Variants in SLC37A2 observed in about 807,000 individuals in gnomAD.
SLC37A2 encodes solute carrier family 37 member 2.
A neutral mutation model predicts 70.7 loss-of-function variants in SLC37A2; 59 were observed. The observed-to-expected ratio is 0.83, with a 90% confidence interval of 0.68 to 1.04. The LOEUF (loss-of-function observed/expected upper bound fraction) is 1.04. SLC37A2 is among the 50% of genes least tolerant of loss of function. SLC37A2 has a pLI of 0.00. For synonymous variants in SLC37A2, 257 were observed against 262.1 expected (o/e 0.98, Z 0.19); for missense variants, 580 against 658.1 (o/e 0.88, Z 1.30).
At chr11:125,076,588 C>T (rs1480772611) in intron 1 of SLC37A2, among the ~76,000 whole-genome samples, 169 bp from the exon 2 acceptor site, 1 of 152,176 alleles carries the variant, frequency 6.6e-6, no homozygotes, top group African/African-American at 2.4e-5. Context: ...AGCACCCTGG[C>T]CTCTGGGCAT....
chr11:125,067,618 C>T (rs1354156490), intron 1 of SLC37A2, among the ~76,000 whole-genome samples: 1 of 152,136 alleles, frequency 6.6e-6, no homozygotes, highest in Non-Finnish European at 1.5e-5. Flanking sequence ...AAGAACAAAT[C>T]TTTGTGGTTT....
intron 13 of SLC37A2, 67 bp downstream of exon 13, chr11:125,084,940 T>G: frequency 1.9e-6 from 3 of 1,601,142 alleles, no homozygotes; most frequent in Non-Finnish European, 2.6e-6. Flanking sequence ...CCCATGAGGC[T>G]GGCCCACGGG....
In SLC37A2 at chr11:125,063,522, C is replaced by T. The variant is rs1056276834; in HGVS notation, c.59+96C>T. 22 of 1,183,886 alleles carry T rather than the reference C, an allele frequency of 1.9e-5. No homozygotes were observed. Among genetic ancestry groups the T allele is most frequent in the Middle Eastern group, 2.7e-4 (1 of 3,738 alleles). The allele number at this position is 1,183,886 out of a possible 1,614,324, so 73.3% of individuals were successfully genotyped here. A position where few individuals can be genotyped will look rare whatever the true frequency, so the allele number is the denominator to read the frequency against. Reference sequence around the variant, plus strand: ...CTCGGAGATCACCCCAGATCGGCCCCGGCGTCGCCGCGTGGCCAGGGGTGC... The same window carrying T: ...CTCGGAGATCACCCCAGATCGGCCCTGGCGTCGCCGCGTGGCCAGGGGTGC... On this transcript the variant is annotated intron_variant, in intron 1 of 17. Coordinates refer to ENST00000403796, the MANE Select transcript of SLC37A2 (RefSeq NM_001145290.2). The surrounding 1 kb of genome is among the most constrained non-coding windows in gnomAD (Gnocchi z 5.4).
chr11:125,065,353 G>C (rs1439498327), intron 1 of SLC37A2, among the ~76,000 whole-genome samples: 1 of 152,148 alleles, frequency 6.6e-6, no homozygotes, highest in East Asian at 1.9e-4. Flanking sequence ...CCCTTGTTAA[G>C]TTAATAAACT....
chr11:125,063,335 C>T lies in SLC37A2; in HGVS notation c.-33C>T, dbSNP rs772038350. 3.4e-5 allele frequency: 55 copies of T among 1,595,322 alleles called. No individual in the cohort carries two copies. Among genetic ancestry groups the T allele is most frequent in the Non-Finnish European group, 4.5e-5 (52 of 1,167,574 alleles). ...ACGCGCCCAGCTCTGTAGCCTCCTC[C>T]GTCGACTCAGCCTTAGGTACCGGTC... On this transcript the variant is annotated 5_prime_UTR_variant, in exon 1 of 18. Coordinates refer to ENST00000403796, the MANE Select transcript of SLC37A2 (RefSeq NM_001145290.2). The surrounding 1 kb of genome is among the most constrained non-coding windows in gnomAD (Gnocchi z 5.4).
In SLC37A2 at chr11:125,080,811, G is replaced by A. The variant is rs758835646; in HGVS notation, c.694+31G>A. The A allele has an allele frequency of 1.3e-5, 18 of 1,364,024 alleles. No individual in the cohort carries two copies. In the South Asian group the frequency reaches 3.6e-4, roughly 28 times the overall value. 84.5% of individuals were successfully genotyped at this position (1,364,024 alleles called of 1,614,324 possible). On this transcript the variant is annotated intron_variant, in intron 7 of 17. Coordinates refer to ENST00000403796, the MANE Select transcript of SLC37A2 (RefSeq NM_001145290.2). This position sits in a 1 kb window ranked among gnomAD's most constrained non-coding sequence, Gnocchi z 4.3. ...TGGGCCCCTCACTCCCCACAAGTGA[G>A]CCTAGAAGTTCTCGGTTTCTGGGAG...
chr11:125,070,718 G>T (rs1404666046), intron 1 of SLC37A2, among the ~76,000 whole-genome samples: 1 of 152,176 alleles, frequency 6.6e-6, no homozygotes, highest in Admixed American at 6.5e-5. Context: ...TGGAGTCTCA[G>T]CCCATGATCC....
intron 1 of SLC37A2, among the ~76,000 whole-genome samples, chr11:125,069,369 A>T (rs1050815432): frequency 1.3e-5 from 2 of 152,230 alleles, no homozygotes. Flanking sequence ...AAAAGATTAC[A>T]TGGCCATTTG....
chr11:125,069,582 G>C (rs1189372640), intron 1 of SLC37A2, among the ~76,000 whole-genome samples: 1 of 152,258 alleles, frequency 6.6e-6, no homozygotes, highest in Non-Finnish European at 1.5e-5. Flanking sequence ...ATTAGGAGAA[G>C]AAGGAAGTCT....
intron 9 of SLC37A2, 46 bp from the exon 10 acceptor site, chr11:125,082,198 A>G: frequency 1.3e-6 from 2 of 1,590,458 alleles, no homozygotes; most frequent in Non-Finnish European, 1.7e-6. Context: ...CACTGAACCC[A>G]GGACCTCTGG....
Position 125,074,362 on chromosome 11 carries a change from C to T in SLC37A2, c.60-2395C>T, listed in dbSNP as rs377207734. The stretch of plus-strand genomic sequence containing the variant: ...CTGTGCGCCCAGGCAGGTGGAGATT[C>T]CGCTCACGGATTCTCTTGCTAGTGC... On this transcript the variant is annotated intron_variant, in intron 1 of 17. Coordinates refer to ENST00000403796, the MANE Select transcript of SLC37A2 (RefSeq NM_001145290.2). Among the ~76,000 whole-genome samples, 10 of 152,096 alleles carry T rather than the reference C, an allele frequency of 6.6e-5. No individual in the cohort carries two copies. In the East Asian group the frequency reaches 2.0e-3, roughly 30 times the overall value.
intron 5 of SLC37A2, 83 bp downstream of exon 5, chr11:125,079,330 C>G: frequency 6.4e-7 from 1 of 1,562,926 alleles, no homozygotes; most frequent in Non-Finnish European, 8.8e-7. Context: ...CGGGTGGGAG[C>G]CTGTGTTCCT....
At chr11:125,086,383 A>G in intron 17 of SLC37A2, 1 of 819,236 alleles carries the variant, frequency 1.2e-6, no homozygotes, top group Admixed American at 1.8e-5. Flanking sequence ...AGTTGTAAAG[A>G]CTTTCAACCT....
rs1285063819 is a variant in SLC37A2, at chr11:125,085,617, C to T, written c.1368C>T (p.Pro456=). 1.2e-6 allele frequency: 2 copies of T among 1,613,886 alleles called. No individual in the cohort carries two copies. Among genetic ancestry groups the T allele is most frequent in the East Asian group, 2.2e-5 (1 of 44,818 alleles). ...CTCTGCTGGCTGGGCTCATCTCCCC[C>T]ACGGGCTGGAACAATGTCTTCTACA... ...LGPLLAGLIS[P]TGWNNVFYML... The change falls in exon 16 of 18, where the codon CCC becomes CCT. Residue 456 remains proline, a synonymous_variant. Coordinates refer to ENST00000403796, the MANE Select transcript of SLC37A2 (RefSeq NM_001145290.2).
chr11:125,077,816 G>T (rs1241963924), intron 4 of SLC37A2, among the ~76,000 whole-genome samples: 1 of 152,192 alleles, frequency 6.6e-6, no homozygotes, highest in Non-Finnish European at 1.5e-5. Context: ...TTTAAGAATG[G>T]CCCTGCGTGC....
intron 1 of SLC37A2, among the ~76,000 whole-genome samples, chr11:125,064,981 A>G (rs1948967552): frequency 1.3e-5 from 2 of 152,224 alleles, no homozygotes; most frequent in Admixed American, 1.3e-4. Context: ...TAAAAAGAGA[A>G]TCTAAAGAAC....
chr11:125,083,987 G>T lies in SLC37A2; in HGVS notation c.1039+110G>T. ...TATGACCTGGGTAGGTGGCACCAGA[G>T]GAAAAATGGCTCCTGGGTTTATTCT... On this transcript the variant is annotated intron_variant, in intron 11 of 17. Coordinates refer to ENST00000403796, the MANE Select transcript of SLC37A2 (RefSeq NM_001145290.2). The surrounding 1 kb of genome is among the most constrained non-coding windows in gnomAD (Gnocchi z 4.6). 1 of 1,122,784 alleles carries T rather than the reference G, an allele frequency of 8.9e-7. No individual in the cohort carries two copies. Among genetic ancestry groups the T allele is most frequent in the Non-Finnish European group, 1.3e-6 (1 of 756,122 alleles). The allele number at this position is 1,122,784 out of a possible 1,614,324, so 69.6% of individuals were successfully genotyped here.
intron 11 of SLC37A2, 95 bp from the exon 12 acceptor site, chr11:125,084,139 G>A: frequency 6.5e-6 from 9 of 1,395,328 alleles, no homozygotes; most frequent in East Asian, 2.3e-5. Context: ...CTTGCTGACA[G>A]GCCCAGGCCA....
At chr11:125,079,639 G>A (rs200814526) in intron 5 of SLC37A2, 45 bp from the exon 6 acceptor site, 4 of 1,500,000 alleles carry the variant, frequency 2.7e-6, no homozygotes, top group South Asian at 2.4e-5. Context: ...GGAGCCAGTC[G>A]CACAGCCCAG....
Sources: gnomAD v4.1 joint callset for allele counts (sites outside exome capture counted in the v4.1 genomes callset) on GRCh38, gnomAD v4.1.1 for gene constraint, Gnocchi (gnomAD v3.1) non-coding constraint, MANE v1.5 for transcripts, NCBI Gene and HGNC (gene_info 2026-07-23, HGNC 2026-07-21) for gene names.